DST: variants seen among roughly 807,000 people sequenced by gnomAD.
DST encodes bullous pemphigoid antigen.
A neutral mutation model predicts 875.2 loss-of-function variants in DST; 253 were observed. That is an observed-to-expected ratio of 0.29 (90% confidence interval 0.26 to 0.32). The LOEUF is 0.32. Among genes scored for constraint, DST ranks in the 10% least tolerant of loss-of-function variants. The pLI is 1.00. For synonymous variants in DST, 3,124 were observed against 3,197.1 expected, an observed-to-expected ratio of 0.98 and a Z score of 0.77; for missense variants, 8,287 against 9,111.6, an observed-to-expected ratio of 0.91 and a Z score of 3.68.
rs534452668 is a variant in DST, at chr6:56,921,507, CT to C, written c.217-20887del. On this transcript the variant is annotated intron_variant, in intron 2 of 103. Transcript: ENST00000680361. ...ATCAATGCATTTCTTCCATTTGAAT[CT>C]TTTTTTGAGATAGCAATGACTAAAA... Among the ~76,000 whole-genome samples the C allele has an allele frequency of 2.4e-3, 372 of 152,184 alleles. 1 individual carries two copies. The highest frequency in any genetic ancestry group is 8.7e-3 in the African/African-American group (360 of 41,530).
At chr6:56,743,706 A>G (rs2099556511) in intron 4 of DST, among the ~76,000 whole-genome samples, 1 of 152,190 alleles carries the variant, frequency 6.6e-6, no homozygotes, top group Non-Finnish European at 1.5e-5. Context: ...TCATTTACAG[A>G]TGAAGAAACT....
intron 5 of DST, among the ~76,000 whole-genome samples, chr6:56,725,433 G>T (rs2099448948): frequency 6.6e-6 from 1 of 152,152 alleles, no homozygotes; most frequent in African/African-American, 2.4e-5. Flanking sequence ...GTTCCCATCA[G>T]TCTTTCTTCA....
chr6:56,891,529 G>C (rs1264302622), intron 3 of DST, among the ~76,000 whole-genome samples: 2 of 144,422 alleles, frequency 1.4e-5, no homozygotes, highest in African/African-American at 5.2e-5. Context: ...TTGAGCCACT[G>C]CACTCCAGCC....
chr6:56,763,157 T>G (rs1250050476), intron 4 of DST, among the ~76,000 whole-genome samples: 1 of 152,070 alleles, frequency 6.6e-6, no homozygotes, highest in Non-Finnish European at 1.5e-5. Context: ...GCCGAGAACA[T>G]TACCTTTATA....
intron 49 of DST, among the ~76,000 whole-genome samples, chr6:56,580,902 T>C (rs978045762): frequency 6.0e-5 from 9 of 151,068 alleles, no homozygotes; most frequent in Admixed American, 2.0e-4. Context: ...CCAGCTAATT[T>C]TTTTGTATTT....
Position 56,756,248 on chromosome 6 carries a change from G to C in DST, c.626-20959C>G, listed in dbSNP as rs1032431310. Among the ~76,000 whole-genome samples, 4 of 152,178 alleles carry C rather than the reference G, an allele frequency of 2.6e-5. No individual in the cohort carries two copies. The South Asian group carries it at 8.3e-4, about 32-fold the overall frequency. On this transcript the variant is annotated intron_variant, in intron 4 of 103. Coordinates refer to ENST00000680361, the MANE Select transcript of DST (RefSeq NM_001374736.1). ...AGACACAGAAGTGTCTGTGTGTCTG[G>C]CTGGGACACCTCCCAGAGGGGTCAT...
intron 4 of DST, among the ~76,000 whole-genome samples, chr6:56,848,065 T>C (rs894710328): frequency 7.2e-5 from 11 of 152,252 alleles, no homozygotes; most frequent in Non-Finnish European, 1.6e-4. Context: ...TTTTGAAATA[T>C]ACAATATATT....
At chr6:56,791,801 AAAG>A (rs2099724862) in intron 4 of DST, among the ~76,000 whole-genome samples, 2 of 151,746 alleles carry the variant, frequency 1.3e-5, no homozygotes, top group Admixed American at 6.6e-5. Flanking sequence ...AAAAAAAAAA[AAAG>A]AAAGAAAGAA....
chr6:56,790,284 C>T (rs547377645), intron 4 of DST, among the ~76,000 whole-genome samples: 3 of 152,196 alleles, frequency 2.0e-5, no homozygotes, highest in African/African-American at 7.2e-5. Context: ...TTATCATGCC[C>T]GTTTTACAAA....
intron 13 of DST, 99 bp downstream of exon 13, chr6:56,648,471 G>T: frequency 8.1e-7 from 1 of 1,233,602 alleles, no homozygotes. Context: ...CTTTCCAAGG[G>T]CAACTTTTGT....
At chr6:56,929,099 G>A (rs967727474) in intron 2 of DST, among the ~76,000 whole-genome samples, 4 of 151,942 alleles carry the variant, frequency 2.6e-5, no homozygotes, top group African/African-American at 9.7e-5. Context: ...TACCAATAAG[G>A]GAGGACTAGA....
At position 56,506,437 on chromosome 6, in the gene DST, C is replaced by A; in HGVS notation, c.19464+6G>T. ...AAGACCAGCACATACACTGTAATCC[C>A]CTTACCTGCAGTCCATCCTGGTACT... On this transcript the variant is annotated splice_donor_region_variant and intron_variant, in intron 77 of 103. Transcript: ENST00000680361. 1 of 1,608,462 alleles carries A rather than the reference C, an allele frequency of 6.2e-7. No homozygotes were observed. Among genetic ancestry groups the A allele is most frequent in the East Asian group, 2.2e-5 (1 of 44,776 alleles).
In DST at chr6:56,604,217, T is replaced by C; in HGVS notation, c.10411A>G (p.Met3471Val). The C allele has an allele frequency of 1.9e-6, 3 of 1,607,500 alleles. No homozygotes were observed. The highest frequency in any genetic ancestry group is 2.2e-5 in the South Asian group (2 of 90,110). The change falls in exon 40 of 104, where the codon ATG (methionine) becomes GTG (valine). Residue 3471 changes from methionine (M) to valine (V), a missense_variant. Met to Val is a conservative substitution (Grantham distance 21). Around this residue, in one of 10 missense-constraint regions of DST, gnomAD observed 3,138 missense variants for 3,116.6 expected, o/e 1.01. Coordinates refer to ENST00000680361, the MANE Select transcript of DST (RefSeq NM_001374736.1). Reference sequence around the variant, plus strand: ...CCTCTTTTCTCTAGGTCATACTCCATATGAGTTAATTCTCTCATCAATTCA... The same window carrying C: ...CCTCTTTTCTCTAGGTCATACTCCACATGAGTTAATTCTCTCATCAATTCA... The part of the protein sequence containing the change: ...VFELMRELTH[M>V]EYDLEKRGIT...
At chr6:56,738,237 T>C (rs1020420598) in intron 4 of DST, among the ~76,000 whole-genome samples, 37 of 152,204 alleles carry the variant, frequency 2.4e-4, no homozygotes, top group Non-Finnish European at 4.7e-4. Context: ...TACTTCTTAT[T>C]TAAAAATTAG....
rs367829557 is a variant in DST, at chr6:56,598,651, G to A, written c.11753C>T (p.Thr3918Ile). The A allele has an allele frequency of 3.7e-6, 6 of 1,610,108 alleles. No homozygotes were observed. In the African/African-American group the frequency reaches 8.0e-5, roughly 22 times the overall value. Residue 3918 changes from threonine to isoleucine, a missense_variant, in exon 46 of 104, where the codon ACA (threonine) becomes ATA (isoleucine). Thr to Ile is a moderately conservative substitution (Grantham distance 89). Coordinates refer to ENST00000680361, the MANE Select transcript of DST (RefSeq NM_001374736.1). ...ACCATTCTCTTTTAAGAAGTTCTCT[G>A]TGTTTTTCACTACTTCAGCCAATGC... ...AQALAEVVKN[T>I]ENFLKENGEK...
At position 56,616,668 on chromosome 6, in the gene DST, T is replaced by C. The variant is rs770154837; in HGVS notation, c.4930-2184A>G. ...TTCAACAACCCCTGCTGCAGAGCAA[T>C]TTCTGGAGGAACACGAATGCCTCTC... On this transcript the variant is annotated intron_variant, in intron 36 of 103. Transcript: ENST00000680361. The C allele has an allele frequency of 3.1e-6, 5 of 1,614,166 alleles. No homozygotes were observed. The highest frequency in any genetic ancestry group is 1.7e-5 in the Admixed American group (1 of 60,018).
In DST at chr6:56,608,974, G is replaced by A. The variant is rs765332552; in HGVS notation, c.5654C>T (p.Pro1885Leu). The A allele has an allele frequency of 8.7e-6, 14 of 1,613,742 alleles. No homozygotes were observed. Among genetic ancestry groups the A allele is most frequent in the South Asian group, 4.4e-5 (4 of 91,086 alleles). Residue 1885 changes from proline (P) to leucine (L), a missense_variant, in exon 40 of 104, where the codon CCA (proline) becomes CTA (leucine). Pro to Leu is a moderately conservative substitution (Grantham distance 98, BLOSUM62 -3). Around this residue, in one of 10 missense-constraint regions of DST, gnomAD observed 3,138 missense variants for 3,116.6 expected, o/e 1.01. Transcript: ENST00000680361. ...TAGGGTCAACTGTTCTCCTGTGGCT[G>A]GAATAACCAGAGAGCCTGTAGAAAG... ...ILLSTGSLVI[P>L]ATGEQLTLQK... is the part of the protein sequence containing the mutation.
At chr6:56,572,615 G>T in intron 52 of DST, 132 bp downstream of exon 52, 1 of 674,594 alleles carries the variant, frequency 1.5e-6, no homozygotes, top group Non-Finnish European at 2.3e-6. Context: ...TCTTAAAGGA[G>T]TAAAACATAG....
At chr6:56,612,769 T>G (rs182177134) in intron 37 of DST, among the ~76,000 whole-genome samples, 16 of 152,362 alleles carry the variant, frequency 1.1e-4, no homozygotes, top group Admixed American at 2.6e-4. Context: ...CAGTTATAAT[T>G]AACGCCATTA....
Sources: allele counts gnomAD v4.1 joint callset (sites outside exome capture counted in the v4.1 genomes callset), GRCh38; gene constraint gnomAD v4.1.1; regional missense constraint gnomAD v4.1.1; transcripts MANE v1.5; gene names NCBI Gene and HGNC (gene_info 2026-07-23, HGNC 2026-07-21).